The following CEP192 variants were observed in gnomAD, a reference collection of about 807,000 sequenced individuals.
The protein encoded by CEP192 is centrosomal protein 192.
A neutral mutation model predicts 271.8 loss-of-function variants in CEP192; 151 were observed. The observed-to-expected ratio is 0.56, with a 90% CI of 0.49 to 0.64. The LOEUF (loss-of-function observed/expected upper bound fraction) is 0.64. Ranked by LOEUF, CEP192 falls within the 30% of genes least tolerant of loss-of-function variation. The probability of loss-of-function intolerance (pLI) is 0.00; values close to 1 mark genes in which losing one functional copy is unlikely to be tolerated. For missense variants in CEP192, 2,910 were observed against 3,020.5 expected (o/e 0.96, Z 0.86); for synonymous variants, 995 against 1,076.5 (o/e 0.92, Z 1.48).
chr18:13,030,715 A>C (rs1241772556), intron 11 of CEP192, 107 bp downstream of exon 11: 2 of 830,666 alleles, frequency 2.4e-6, no homozygotes, highest in Non-Finnish European at 3.8e-6. Context: ...CTGGACTATC[A>C]CTGTATTCTG....
Position 13,015,344 on chromosome 18 carries a change from C to T in CEP192, c.536C>T (p.Ala179Val), listed in dbSNP as rs574680058. 1 of 1,550,350 alleles carries T rather than the reference C, an allele frequency of 6.5e-7. No individual in the cohort carries two copies. The highest frequency in any genetic ancestry group is 1.2e-5 in the South Asian group (1 of 83,902). ...NKEPKIVVLD[A>V]GKHFEDKTLK... is the part of the protein sequence containing the mutation. ...TTCTTATAGATTGTTGTGCTTGATG[C>T]TGGAAAACATTTTGAAGACAAGACT... The change falls in exon 6 of 45, where the codon GCT (alanine) becomes GTT (valine). Residue 179 changes from alanine (A) to valine (V), a missense_variant. Transcript: ENST00000506447.
chr18:13,071,503 AT>A (rs1480426930), intron 28 of CEP192, among the ~76,000 whole-genome samples: 9 of 152,198 alleles, frequency 5.9e-5, no homozygotes, highest in African/African-American at 1.7e-4. Context: ...TGAGAGAGAG[AT>A]TTATGGAGAG....
At chr18:13,041,091 G>A (rs1035833844) in intron 14 of CEP192, 135 bp downstream of exon 14, 2 of 689,560 alleles carry the variant, frequency 2.9e-6, no homozygotes, top group Non-Finnish European at 4.5e-6. Flanking sequence ...GTTGGTTATA[G>A]ATTTGATTCA....
rs561571802 is a variant in CEP192, at chr18:13,031,513, C to G, written c.1534+905C>G. Among the ~76,000 whole-genome samples, 211 of 152,208 alleles carry G rather than the reference C, an allele frequency of 1.4e-3. 2 individuals are homozygous for G. Among genetic ancestry groups the G allele is most frequent in the African/African-American group, 4.9e-3 (204 of 41,560 alleles). Reference sequence around the variant, plus strand: ...CTGCCCGCCTCGGCCTCCCAAAGTGCTGGGATTACAGGCGTGAGCCACCGC... The same window carrying G: ...CTGCCCGCCTCGGCCTCCCAAAGTGGTGGGATTACAGGCGTGAGCCACCGC... On this transcript the variant is annotated intron_variant, in intron 11 of 44. Coordinates refer to ENST00000506447, the MANE Select transcript of CEP192 (RefSeq NM_032142.4).
intron 32 of CEP192, 32 bp downstream of exon 32, chr18:13,087,678 C>G (rs1568397934): frequency 8.8e-7 from 1 of 1,142,102 alleles, no homozygotes; most frequent in Admixed American, 2.5e-5. Flanking sequence ...ATGTTGGGAA[C>G]CATTCAGCAG....
chr18:12,993,158 G>T (rs138766449), intron 1 of CEP192, among the ~76,000 whole-genome samples: 283 of 152,342 alleles, frequency 1.9e-3, no homozygotes, highest in Middle Eastern at 6.8e-3. Flanking sequence ...TTAGAATTTG[G>T]TGAGAGAGCA....
At chr18:13,012,940 G>C in intron 4 of CEP192, 33 bp from the exon 5 acceptor site, 2 of 1,246,926 alleles carry the variant, frequency 1.6e-6, no homozygotes, top group South Asian at 1.4e-5. Context: ...AAAATAACCT[G>C]GTCTCTCAGT....
chr18:13,009,007 C>T (rs1408278097), intron 4 of CEP192, among the ~76,000 whole-genome samples: 1 of 126,346 alleles, frequency 7.9e-6, no homozygotes, highest in Non-Finnish European at 1.6e-5. Context: ...CTGTGCCTGG[C>T]CTTTTTGTTT....
intron 44 of CEP192, among the ~76,000 whole-genome samples, chr18:13,124,229 A>C (rs749102388): frequency 1.3e-5 from 2 of 152,196 alleles, no homozygotes; most frequent in Non-Finnish European, 2.9e-5. Flanking sequence ...GGTTGGGACA[A>C]GTTGTTTTAA....
intron 11 of CEP192, among the ~76,000 whole-genome samples, chr18:13,033,596 A>G (rs1259629644): frequency 2.6e-5 from 4 of 152,244 alleles, no homozygotes; most frequent in Admixed American, 1.3e-4. Context: ...CATAAATGAT[A>G]CATGGTGTAT....
At chr18:13,102,859 C>T (rs1391243678) in intron 38 of CEP192, among the ~76,000 whole-genome samples, 1 of 152,174 alleles carries the variant, frequency 6.6e-6, no homozygotes, top group Non-Finnish European at 1.5e-5. Context: ...GTGCTCGGGC[C>T]CAGGCATCAC....
Position 13,053,076 on chromosome 18 carries a change from C to T in CEP192, c.3175C>T (p.Leu1059=), listed in dbSNP as rs2036888421. Residue 1059 remains leucine, a synonymous_variant, in exon 18 of 45, where the codon CTG becomes TTG. Transcript: ENST00000506447. ...TCCTACCACAGCCACAGATGATGCC[C>T]TGGAGGACCGCAAGGTGGGCAGCCA... ...SYPTTATDDA[L]EDRKSDITSE... The T allele has an allele frequency of 1.2e-6, 2 of 1,606,504 alleles. No individual in the cohort carries two copies. The highest frequency in any genetic ancestry group is 1.7e-5 in the Admixed American group (1 of 58,138).
chr18:12,996,673 A>G (rs1028031547), intron 1 of CEP192, among the ~76,000 whole-genome samples: 3 of 152,150 alleles, frequency 2.0e-5, no homozygotes, highest in Admixed American at 6.5e-5. Context: ...GGAGAAGGGA[A>G]AGCAGCAGCT....
At chr18:13,083,248 C>T (rs1287858000) in intron 30 of CEP192, among the ~76,000 whole-genome samples, 4 of 152,230 alleles carry the variant, frequency 2.6e-5, no homozygotes, top group African/African-American at 4.8e-5. Context: ...CTGTCACTTT[C>T]AGGTACACCA....
intron 21 of CEP192, among the ~76,000 whole-genome samples, chr18:13,060,367 A>G (rs1479274431): frequency 6.6e-6 from 1 of 152,210 alleles, no homozygotes; most frequent in Admixed American, 6.5e-5. Flanking sequence ...TTTATAGGGC[A>G]CTTACCAGAG....
At chr18:13,102,590 C>A (rs1282169158) in intron 38 of CEP192, among the ~76,000 whole-genome samples, 1 of 152,200 alleles carries the variant, frequency 6.6e-6, no homozygotes. Flanking sequence ...AATCCAGGGT[C>A]CGTTTTGTGT....
intron 28 of CEP192, 54 bp downstream of exon 28, chr18:13,071,266 A>C: frequency 6.8e-7 from 1 of 1,460,006 alleles, no homozygotes; most frequent in East Asian, 2.3e-5. Flanking sequence ...TTTGGAGCAG[A>C]CTACAAATTA....
intron 36 of CEP192, among the ~76,000 whole-genome samples, chr18:13,096,754 A>C (rs780082609): frequency 3.3e-5 from 5 of 152,190 alleles, no homozygotes; most frequent in Non-Finnish European, 5.9e-5. Context: ...TTTTCAGACA[A>C]AGCTTCCTCA....
At chr18:13,072,416 T>C (rs919432668) in intron 28 of CEP192, among the ~76,000 whole-genome samples, 3 of 152,216 alleles carry the variant, frequency 2.0e-5, no homozygotes, top group Non-Finnish European at 4.4e-5. Context: ...AGGTGTGATA[T>C]TGACTTAATG....
Sources: allele counts gnomAD v4.1 joint callset (sites outside exome capture counted in the v4.1 genomes callset), GRCh38; gene constraint gnomAD v4.1.1; transcripts MANE v1.5; gene names NCBI Gene and HGNC (gene_info 2026-07-23, HGNC 2026-07-21).